Variants in CEP128 observed in about 807,000 individuals in gnomAD.
CEP128 encodes centrosomal protein 128.
CEP128 carries 132 observed loss-of-function variants against 156.7 expected under a neutral mutation model. That is an observed-to-expected ratio of 0.84 (90% CI 0.73 to 0.97). CEP128 has a LOEUF of 0.97. Among genes scored for constraint, CEP128 ranks in the 50% least tolerant of loss-of-function variants. The pLI is 0.00. For synonymous variants in CEP128, 469 were observed against 448.9 expected (o/e 1.04, Z -0.57); for missense variants, 1,252 against 1,281.9 (o/e 0.98, Z 0.36).
At chr14:80,617,219 CTTTTTT>C (rs3069115) in intron 19 of CEP128, among the ~76,000 whole-genome samples, 11 of 60,216 alleles carry the variant, frequency 1.8e-4, no homozygotes, top group Non-Finnish European at 2.3e-4. Context: ...TGAATATCAT[CTTTTTT>C]TTTTTTTTTT....
chr14:80,867,168 T>C (rs1887806640), intron 8 of CEP128, among the ~76,000 whole-genome samples: 1 of 152,202 alleles, frequency 6.6e-6, no homozygotes. Flanking sequence ...TAAGGGTTAC[T>C]TGAACAAAAG....
intron 2 of CEP128, among the ~76,000 whole-genome samples, chr14:80,948,906 C>T (rs114302783): frequency 1.3e-5 from 2 of 152,094 alleles, no homozygotes; most frequent in Non-Finnish European, 2.9e-5. Flanking sequence ...CATGGTTAGC[C>T]CTAAGGCATG....
intron 13 of CEP128, among the ~76,000 whole-genome samples, chr14:80,802,494 A>G (rs2079260741): frequency 1.4e-5 from 2 of 141,880 alleles, no homozygotes; most frequent in Admixed American, 1.4e-4. Context: ...CATTGAGAAC[A>G]CATGGACACA....
At chr14:80,948,001 G>C (rs1046893922) in intron 2 of CEP128, among the ~76,000 whole-genome samples, 11 of 152,178 alleles carry the variant, frequency 7.2e-5, no homozygotes, top group African/African-American at 2.7e-4. Flanking sequence ...AGATGGTCAA[G>C]CTCCCCTATA....
Position 80,722,900 on chromosome 14 carries a change from C to A in CEP128, c.2806+20175G>T, listed in dbSNP as rs113749848. On this transcript the variant is annotated intron_variant, in intron 19 of 24. Coordinates refer to ENST00000555265, the MANE Select transcript of CEP128 (RefSeq NM_152446.5). ...GGAGTGCAATGGCGCGATCTCGGCT[C>A]ACTGCAAGCTCCGCCTCCTGGGTTC... Among the ~76,000 whole-genome samples, 1,193 of 149,322 alleles carry A rather than the reference C, an allele frequency of 8.0e-3. 14 individuals are homozygous for A. Among genetic ancestry groups the A allele is most frequent in the African/African-American group, 0.027 (1,105 of 40,666 alleles).
intron 14 of CEP128, among the ~76,000 whole-genome samples, chr14:80,483,198 T>G (rs893877850): frequency 3.3e-4 from 50 of 152,298 alleles, no homozygotes; most frequent in Admixed American, 1.3e-4. Flanking sequence ...CATTACAATC[T>G]CAAGGATTTT....
At chr14:80,842,094 T>A (rs555562531) in intron 9 of CEP128, among the ~76,000 whole-genome samples, 6 of 152,184 alleles carry the variant, frequency 3.9e-5, no homozygotes, top group African/African-American at 9.6e-5. Context: ...GAACATCTGA[T>A]AAGTTGTTTA....
Position 80,616,421 on chromosome 14 carries a change from G to T in CEP128, c.2807-35998C>A, listed in dbSNP as rs545348308. On this transcript the variant is annotated intron_variant, in intron 19 of 24. Coordinates refer to ENST00000555265, the MANE Select transcript of CEP128 (RefSeq NM_152446.5). ...TTACAGGGGAGGAGACAAGCTGGGA[G>T]AGACTGTTTTTACCACTGGGAAATA... Among the ~76,000 whole-genome samples the T allele has an allele frequency of 7.2e-5, 11 of 152,322 alleles. 1 individual carries two copies. The South Asian group carries it at 2.3e-3, about 32-fold the overall frequency.
chr14:80,742,731 T>C, intron 19 of CEP128: 2 of 250,116 alleles, frequency 8.0e-6, no homozygotes, highest in Non-Finnish European at 7.8e-6. Flanking sequence ...TAGTGTGTAC[T>C]TGAAAATGGG....
At chr14:80,538,301 C>A (rs1334011093) in intron 21 of CEP128, among the ~76,000 whole-genome samples, 1 of 152,154 alleles carries the variant, frequency 6.6e-6, no homozygotes, top group Non-Finnish European at 1.5e-5. Flanking sequence ...AAAACTATAT[C>A]TAACATTTAG....
At chr14:80,561,379 G>C (rs1428389101) in intron 20 of CEP128, among the ~76,000 whole-genome samples, 1 of 152,156 alleles carries the variant, frequency 6.6e-6, no homozygotes, top group Non-Finnish European at 1.5e-5. Context: ...TAATAAATGC[G>C]TATGATGCCT....
downstream of CEP128, among the ~76,000 whole-genome samples, chr14:80,487,924 A>G (rs1225826602): frequency 1.3e-5 from 2 of 151,798 alleles, no homozygotes; most frequent in African/African-American, 4.8e-5. Flanking sequence ...AGAGAAAGCA[A>G]GAAAGATCCA....
intron 19 of CEP128, among the ~76,000 whole-genome samples, chr14:80,718,962 C>G (rs1333770861): frequency 6.6e-6 from 1 of 152,112 alleles, no homozygotes; most frequent in Non-Finnish European, 1.5e-5. Context: ...AGTTTTATAA[C>G]CTTTTGATGA....
intron 18 of CEP128, among the ~76,000 whole-genome samples, chr14:80,746,074 G>A (rs1050399252): frequency 6.6e-6 from 1 of 152,056 alleles, no homozygotes; most frequent in Admixed American, 6.6e-5. Context: ...ACTACAAAAT[G>A]CTTTTTAAAA....
In CEP128 at chr14:80,703,519, A is replaced by T. The variant is rs1173194527; in HGVS notation, c.2806+39556T>A. On this transcript the variant is annotated intron_variant, in intron 19 of 24. Coordinates refer to ENST00000555265, the MANE Select transcript of CEP128 (RefSeq NM_152446.5). Reference sequence around the variant, plus strand: ...TTAGCTTTTGGAGAAATTAGAAAAAAAAAAGTGTTTACTATTTTAACTATG... The same window carrying T: ...TTAGCTTTTGGAGAAATTAGAAAAATAAAAGTGTTTACTATTTTAACTATG... Among the ~76,000 whole-genome samples the T allele has an allele frequency of 2.0e-5, 3 of 152,128 alleles. No homozygotes were observed. In the South Asian group the frequency reaches 6.2e-4, roughly 32 times the overall value.
At chr14:80,926,013 C>T (rs761105827) in intron 2 of CEP128, among the ~76,000 whole-genome samples, 1 of 152,192 alleles carries the variant, frequency 6.6e-6, no homozygotes, top group Non-Finnish European at 1.5e-5. Context: ...ATTCCTGATC[C>T]TACCTCACAG....
chr14:80,673,831 G>A (rs924770576), intron 19 of CEP128, among the ~76,000 whole-genome samples: 1 of 150,452 alleles, frequency 6.6e-6, no homozygotes. Context: ...ACAAAGATAA[G>A]CTTTCATAAA....
At chr14:80,480,049 C>T (rs1297374344) in intron 14 of CEP128, among the ~76,000 whole-genome samples, 1 of 152,206 alleles carries the variant, frequency 6.6e-6, no homozygotes, top group Non-Finnish European at 1.5e-5. Context: ...CAGCCTCCCT[C>T]CTGGCTGCTT....
At chr14:80,619,397 C>CAA (rs1186106459) in intron 19 of CEP128, among the ~76,000 whole-genome samples, 1 of 150,932 alleles carries the variant, frequency 6.6e-6, no homozygotes, top group African/African-American at 2.5e-5. Context: ...CACACACACA[C>CAA]ACACACACAA....
Sources: allele counts gnomAD v4.1 joint callset (sites outside exome capture counted in the v4.1 genomes callset), GRCh38; gene constraint gnomAD v4.1.1; transcripts MANE v1.5; gene names NCBI Gene and HGNC (gene_info 2026-07-23, HGNC 2026-07-21).